Variants in MRTFA observed in about 807,000 individuals in gnomAD.
MRTFA encodes myocardin-related transcription factor A.
MRTFA carries 20 observed loss-of-function variants against 83.5 expected under a neutral mutation model. That is an observed-to-expected ratio of 0.24 (90% CI 0.17 to 0.35). The LOEUF (loss-of-function observed/expected upper bound fraction) is 0.35, where lower values mean the gene tolerates loss of function less well. Among genes scored for constraint, MRTFA ranks in the 10% least tolerant of loss-of-function variants. MRTFA has a pLI of 1.00. For missense variants in MRTFA, 1,200 were observed against 1,224.7 expected, an observed-to-expected ratio of 0.98 and a Z score of 0.30; for synonymous variants, 659 against 541.2, an observed-to-expected ratio of 1.22 and a Z score of -3.02.
intron 3 of MRTFA, among the ~76,000 whole-genome samples, chr22:40,508,632 A>G (rs796213416): frequency 2.0e-5 from 3 of 151,706 alleles, no homozygotes; most frequent in African/African-American, 7.2e-5. Context: ...TTGTCTCTCA[A>G]TTGGAAGTTT....
At chr22:40,448,824 T>C (rs1263512837) in intron 4 of MRTFA, among the ~76,000 whole-genome samples, 1 of 152,192 alleles carries the variant, frequency 6.6e-6, no homozygotes, top group Non-Finnish European at 1.5e-5. Context: ...GGCAGTTAAC[T>C]GACTTGCCAA....
chr22:40,542,542 T>C (rs1806590523), intron 3 of MRTFA, among the ~76,000 whole-genome samples: 1 of 152,186 alleles, frequency 6.6e-6, no homozygotes, highest in African/African-American at 2.4e-5. Context: ...AGTGCTAAGA[T>C]CTTAATAATC....
At chr22:40,622,136 T>C (rs1233891936) in intron 1 of MRTFA, among the ~76,000 whole-genome samples, 1 of 152,090 alleles carries the variant, frequency 6.6e-6, no homozygotes, top group African/African-American at 2.4e-5. Flanking sequence ...AATCTGTGAA[T>C]GTTACCTTTT....
intron 2 of MRTFA, among the ~76,000 whole-genome samples, chr22:40,581,342 C>T (rs79799751): frequency 0.082 from 12,401 of 152,154 alleles, 751 homozygotes; most frequent in East Asian, 0.25. Flanking sequence ...ACCATTTATG[C>T]AAAATACATA....
chr22:40,543,216 T>G (rs1202975537), intron 3 of MRTFA, among the ~76,000 whole-genome samples: 1 of 152,172 alleles, frequency 6.6e-6, no homozygotes, highest in Admixed American at 6.5e-5. Context: ...ACTCTTTCCT[T>G]TCCCCAAGAA....
At position 40,494,479 on chromosome 22, in the gene MRTFA, A is replaced by C. The variant is rs2054318240; in HGVS notation, c.242-31193T>G. On this transcript the variant is annotated intron_variant, in intron 3 of 14. Coordinates refer to ENST00000355630, the MANE Select transcript of MRTFA (RefSeq NM_020831.6). ...GGATCACTTGAACCCAAGGAGTTCAAGACCAACCAGGGCAATATAGTGAGA... is the reference window on the plus strand; with the variant it reads ...GGATCACTTGAACCCAAGGAGTTCACGACCAACCAGGGCAATATAGTGAGA... Among the ~76,000 whole-genome samples the C allele has an allele frequency of 2.6e-5, 4 of 152,248 alleles. No homozygotes were observed. The South Asian group carries it at 8.3e-4, about 32-fold the overall frequency.
At chr22:40,459,506 A>G (rs2053658324) in intron 4 of MRTFA, among the ~76,000 whole-genome samples, 1 of 152,018 alleles carries the variant, frequency 6.6e-6, no homozygotes, top group Non-Finnish European at 1.5e-5. Context: ...TTCCCACAGG[A>G]AAGGCAATTA....
At chr22:40,535,980 G>A (rs1167958836) in intron 3 of MRTFA, among the ~76,000 whole-genome samples, 1 of 151,914 alleles carries the variant, frequency 6.6e-6, no homozygotes, top group African/African-American at 2.4e-5. Context: ...GAGGTAAAAA[G>A]ACCTAAATAA....
At chr22:40,624,465 C>T (rs933134587) in intron 1 of MRTFA, among the ~76,000 whole-genome samples, 1 of 151,730 alleles carries the variant, frequency 6.6e-6, no homozygotes, top group Non-Finnish European at 1.5e-5. Context: ...GATTAATTCC[C>T]TTGTTGTCTA....
chr22:40,459,822 C>CATATACATATATATATAT (rs1555973786), intron 4 of MRTFA, among the ~76,000 whole-genome samples: 4 of 68,258 alleles, frequency 5.9e-5, no homozygotes, highest in African/African-American at 2.6e-4. Context: ...CACACACACA[C>CATATACATATATATATAT]ATATATACAT....
intron 1 of MRTFA, among the ~76,000 whole-genome samples, chr22:40,620,102 C>G (rs934829954): frequency 6.6e-6 from 1 of 150,476 alleles, no homozygotes; most frequent in African/African-American, 2.4e-5. Flanking sequence ...GGACTACAGA[C>G]GCATACCACC....
intron 4 of MRTFA, among the ~76,000 whole-genome samples, chr22:40,443,326 A>G (rs2053315717): frequency 6.6e-6 from 1 of 152,156 alleles, no homozygotes; most frequent in South Asian, 2.1e-4. Flanking sequence ...GATGGGGTAG[A>G]CATTTTTCTG....
At chr22:40,541,444 T>C (rs919431659) in intron 3 of MRTFA, among the ~76,000 whole-genome samples, 1 of 152,132 alleles carries the variant, frequency 6.6e-6, no homozygotes, top group Non-Finnish European at 1.5e-5. Flanking sequence ...CACTTAAGAC[T>C]TTCCCCTAGA....
At chr22:40,412,110 GAATAC>G (rs2052564964) in intron 14 of MRTFA, 2 of 413,000 alleles carry the variant, frequency 4.8e-6, no homozygotes, top group South Asian at 2.5e-4. Context: ...GTGATATCCG[GAATAC>G]ACAGAGAACT....
chr22:40,558,384 G>A (rs1208197365), intron 2 of MRTFA, among the ~76,000 whole-genome samples: 1 of 150,344 alleles, frequency 6.7e-6, no homozygotes, highest in Non-Finnish European at 1.5e-5. Context: ...TAGGATTACA[G>A]GAATGAGCCA....
chr22:40,488,978 CA>C (rs1341468720), intron 3 of MRTFA, among the ~76,000 whole-genome samples: 2 of 151,918 alleles, frequency 1.3e-5, no homozygotes, highest in African/African-American at 4.8e-5. Context: ...TAACATCATT[CA>C]TATTGTATCA....
intron 5 of MRTFA, among the ~76,000 whole-genome samples, chr22:40,433,936 T>C (rs1463868947): frequency 6.6e-6 from 1 of 152,138 alleles, no homozygotes; most frequent in East Asian, 1.9e-4. Flanking sequence ...ATAAAATCAT[T>C]TTGCTCAAAA....
At chr22:40,531,799 G>A (rs966308612) in intron 3 of MRTFA, among the ~76,000 whole-genome samples, 5 of 152,080 alleles carry the variant, frequency 3.3e-5, no homozygotes, top group African/African-American at 1.2e-4. Context: ...TCATATTACT[G>A]TTACAATCCA....
chr22:40,533,428 G>C (rs73422624), intron 3 of MRTFA, among the ~76,000 whole-genome samples: 3 of 152,200 alleles, frequency 2.0e-5, no homozygotes, highest in African/African-American at 7.2e-5. Context: ...TTTGCAATGA[G>C]AGAAAAATTA....
Sources: allele counts gnomAD v4.1 joint callset (sites outside exome capture counted in the v4.1 genomes callset), GRCh38; gene constraint gnomAD v4.1.1; transcripts MANE v1.5; gene names NCBI Gene and HGNC (gene_info 2026-07-23, HGNC 2026-07-21).